The following ATXN1 variants were observed in gnomAD, a reference collection of about 807,000 sequenced individuals.
The protein encoded by ATXN1 is ataxin 1.
In ATXN1, 8 loss-of-function variants were observed where a neutral mutation model predicts 56.4. The ratio of observed to expected loss-of-function variants is 0.14; its 90% CI spans 0.08 to 0.26. The LOEUF (loss-of-function observed/expected upper bound fraction) is 0.26, where lower values mean the gene tolerates loss of function less well. ATXN1 is among the 10% of genes least tolerant of loss of function. The probability of loss-of-function intolerance (pLI) is 1.00; values close to 1 mark genes in which losing one functional copy is unlikely to be tolerated. For synonymous variants in ATXN1, 514 were observed against 494.6 expected (o/e 1.04, Z -0.52); for missense variants, 987 against 1,106.5 (o/e 0.89, Z 1.53).
chr6:16,492,488 T>C (rs903232223), intron 5 of ATXN1, among the ~76,000 whole-genome samples: 1 of 151,370 alleles, frequency 6.6e-6, no homozygotes, highest in Non-Finnish European at 1.5e-5. Context: ...ATAGGTGTTG[T>C]TTAAGTCACT....
At chr6:16,620,095 G>C (rs1444502456) in intron 3 of ATXN1, among the ~76,000 whole-genome samples, 1 of 151,932 alleles carries the variant, frequency 6.6e-6, no homozygotes, top group African/African-American at 2.4e-5. Flanking sequence ...TTATATATTA[G>C]TATTATTTTG....
chr6:16,328,279 C>T lies in ATXN1; in HGVS notation c.32G>A (p.Cys11Tyr). 6.6e-7 allele frequency: 1 copy of T among 1,519,366 alleles called. No homozygotes were observed. Among genetic ancestry groups the T allele is most frequent in the Non-Finnish European group, 8.8e-7 (1 of 1,138,428 alleles). 94.1% of individuals were successfully genotyped at this position (1,519,366 alleles called of 1,614,324 possible). A position where few individuals can be genotyped will look rare whatever the true frequency, so the allele number is the denominator to read the frequency against. The change falls in exon 7 of 8, where the codon TGC (cysteine) becomes TAC (tyrosine). Residue 11 changes from cysteine (C) to tyrosine (Y), a missense_variant. Coordinates refer to ENST00000436367, the MANE Select transcript of ATXN1 (RefSeq NM_001128164.2). This position sits in a 1 kb window ranked among gnomAD's most constrained non-coding sequence, Gnocchi z 6.2. ...GATCTCGCGCTTCTTGGGAGGCAGG[C>T]ATTCGTTGCTCCGCTCTTGGTTGGA... is the stretch of plus-strand genomic sequence containing the variant. MKSNQERSNECLPPKKREIPA... is the reference protein window; with the variant it reads MKSNQERSNEYLPPKKREIPA...
chr6:16,665,616 T>C (rs1274892561), intron 2 of ATXN1, among the ~76,000 whole-genome samples: 1 of 152,216 alleles, frequency 6.6e-6, no homozygotes, highest in Non-Finnish European at 1.5e-5. Flanking sequence ...AGATCCCTAC[T>C]GGAAGTAAAA....
At chr6:16,723,655 C>T (rs1453786353) in intron 2 of ATXN1, among the ~76,000 whole-genome samples, 2 of 152,034 alleles carry the variant, frequency 1.3e-5, no homozygotes, top group Admixed American at 6.6e-5. Flanking sequence ...GACTCTGGAG[C>T]ATTAAGATAA....
rs200967438 is a variant in ATXN1, at chr6:16,326,625, G to A, written c.1686C>T (p.Ser562=). ...IHLPVVQSVA[S]PAAAPPTLPP... is the part of the protein sequence containing the mutation. ...GCAGCGTAGGGGGAGCCGCCGCCGG[G>A]GAGGCCACGGACTGCACCACAGGCA... Residue 562 remains serine (S), a synonymous_variant, in exon 7 of 8, where the codon TCC becomes TCT. Transcript: ENST00000436367. This position sits in a 1 kb window ranked among gnomAD's most constrained non-coding sequence, Gnocchi z 6.6. 26 of 1,613,956 alleles carry A rather than the reference G, an allele frequency of 1.6e-5. No individual in the cohort carries two copies. In the East Asian group the frequency reaches 5.1e-4, roughly 32 times the overall value.
chr6:16,717,862 C>T lies in ATXN1; in HGVS notation c.-615+35371G>A, dbSNP rs3812217. 0.011 allele frequency among the ~76,000 whole-genome samples: 1,741 copies of T among 152,318 alleles called. 82 individuals carry two copies. The East Asian group carries it at 0.16, about 14-fold the overall frequency. ...GCCCTCGCTGACAGCATGGCTTACACGCCACTTCTGGCTCTACTCACTTTC... is the reference window on the plus strand; with the variant it reads ...GCCCTCGCTGACAGCATGGCTTACATGCCACTTCTGGCTCTACTCACTTTC... On this transcript the variant is annotated intron_variant, in intron 2 of 7. Coordinates refer to ENST00000436367, the MANE Select transcript of ATXN1 (RefSeq NM_001128164.2).
In ATXN1 at chr6:16,632,413, C is replaced by T. The variant is rs78001098; in HGVS notation, c.-489+25363G>A. 8.9e-4 allele frequency among the ~76,000 whole-genome samples: 136 copies of T among 152,288 alleles called. No individual in the cohort carries two copies. In the East Asian group the frequency reaches 0.025, roughly 27 times the overall value. ...AAATGCTAGGTACCACTGTGCTTTC[C>T]ATGAGATTGTTAGGCAGAAGGAAAA... On this transcript the variant is annotated intron_variant, in intron 3 of 7. Transcript: ENST00000436367.
chr6:16,698,555 A>G (rs1581374627), intron 2 of ATXN1, among the ~76,000 whole-genome samples: 2 of 152,180 alleles, frequency 1.3e-5, no homozygotes, highest in Admixed American at 6.5e-5. Flanking sequence ...AGTTAAACAG[A>G]AAGTTAACAG....
chr6:16,520,752 A>G (rs1212520752), intron 5 of ATXN1, among the ~76,000 whole-genome samples: 1 of 152,198 alleles, frequency 6.6e-6, no homozygotes, highest in Non-Finnish European at 1.5e-5. Context: ...GAAAATGGAA[A>G]CCTTCACAGT....
At chr6:16,488,349 G>C (rs1158247580) in intron 5 of ATXN1, among the ~76,000 whole-genome samples, 1 of 152,166 alleles carries the variant, frequency 6.6e-6, no homozygotes, top group Non-Finnish European at 1.5e-5. Flanking sequence ...CTTGGATCAG[G>C]TACCAGATTT....
chr6:16,586,683 C>A (rs990683446), intron 3 of ATXN1, among the ~76,000 whole-genome samples: 26 of 152,210 alleles, frequency 1.7e-4, no homozygotes, highest in Non-Finnish European at 3.4e-4. Context: ...TATACCATCT[C>A]TTCAAGGCTG....
At chr6:16,638,945 T>A (rs1432440952) in intron 3 of ATXN1, among the ~76,000 whole-genome samples, 1 of 152,232 alleles carries the variant, frequency 6.6e-6, no homozygotes, top group African/African-American at 2.4e-5. Context: ...TGAAGCCAGC[T>A]GGACTTCTTG....
At chr6:16,411,425 G>C (rs933333892) in intron 6 of ATXN1, among the ~76,000 whole-genome samples, 2 of 152,084 alleles carry the variant, frequency 1.3e-5, no homozygotes, top group African/African-American at 4.8e-5. Context: ...TTGAAGCCCT[G>C]TTTATAGGTG....
intron 6 of ATXN1, among the ~76,000 whole-genome samples, chr6:16,372,725 G>A (rs1231616580): frequency 6.6e-6 from 1 of 152,076 alleles, no homozygotes; most frequent in East Asian, 1.9e-4. Context: ...ACCAGCCTGG[G>A]CAACCCAGTG....
intron 2 of ATXN1, among the ~76,000 whole-genome samples, chr6:16,694,565 A>G (rs934732862): frequency 6.6e-6 from 1 of 152,228 alleles, no homozygotes; most frequent in African/African-American, 2.4e-5. Flanking sequence ...TTGTAAAAGC[A>G]CAGTTATTTA....
chr6:16,626,170 AT>A (rs1395278196), intron 3 of ATXN1, among the ~76,000 whole-genome samples: 1 of 152,212 alleles, frequency 6.6e-6, no homozygotes, highest in Non-Finnish European at 1.5e-5. Flanking sequence ...TGGCACTAGA[AT>A]TTTCAATTAG....
At chr6:16,667,415 C>T (rs1187331935) in intron 2 of ATXN1, 3 of 152,142 alleles carry the variant, frequency 2.0e-5, no homozygotes, top group African/African-American at 7.2e-5. Context: ...ATGTACGTGT[C>T]GGTAAGATTC....
intron 2 of ATXN1, among the ~76,000 whole-genome samples, chr6:16,722,010 T>C (rs1759754945): frequency 2.6e-5 from 4 of 152,172 alleles, no homozygotes. Flanking sequence ...CCAACCACCT[T>C]ATTGCAGTGG....
chr6:16,322,148 C>T (rs1480961543), intron 7 of ATXN1, among the ~76,000 whole-genome samples: 2 of 152,086 alleles, frequency 1.3e-5, no homozygotes, highest in Non-Finnish European at 2.9e-5. Flanking sequence ...CAATTGAGTC[C>T]AGGAGGTTGA....
Sources: gnomAD v4.1 joint callset for allele counts (sites outside exome capture counted in the v4.1 genomes callset) on GRCh38, gnomAD v4.1.1 for gene constraint, Gnocchi (gnomAD v3.1) non-coding constraint, MANE v1.5 for transcripts, NCBI Gene and HGNC (gene_info 2026-07-23, HGNC 2026-07-21) for gene names.